The following SPTBN4 variants were observed in gnomAD, a reference collection of about 807,000 sequenced individuals.
The protein encoded by SPTBN4 is spectrin beta chain, non-erythrocytic 4.
A neutral mutation model predicts 277.8 loss-of-function variants in SPTBN4; 96 were observed. The observed-to-expected ratio is 0.35, with a 90% CI of 0.29 to 0.41. SPTBN4 has a LOEUF of 0.41. Ranked by LOEUF, SPTBN4 falls within the 10% of genes least tolerant of loss-of-function variation. The pLI is 1.00. For synonymous variants in SPTBN4, 1,481 were observed against 1,580.3 expected, an observed-to-expected ratio of 0.94 and a Z score of 1.49; for missense variants, 3,006 against 3,595.7, an observed-to-expected ratio of 0.84 and a Z score of 4.19.
intron 25 of SPTBN4, among the ~76,000 whole-genome samples, 195 bp downstream of exon 25, chr19:40,556,483 A>C (rs983878190): frequency 2.6e-5 from 4 of 152,088 alleles, no homozygotes; most frequent in African/African-American, 9.7e-5. Flanking sequence ...GTTGGTTATT[A>C]TTATCAGCTT....
chr19:40,497,584 C>A lies in SPTBN4; in HGVS notation c.764C>A (p.Ala255Glu), dbSNP rs143810077. 1 of 1,613,692 alleles carries A rather than the reference C, an allele frequency of 6.2e-7. No homozygotes were observed. The highest frequency in any genetic ancestry group is 1.7e-5 in the Admixed American group (1 of 60,004). ...FRTAEQHLGL[A>E]RLLDPEDVNM... is the part of the protein sequence containing the mutation. The stretch of plus-strand genomic sequence containing the variant: ...ACAGCTGAGCAGCACCTGGGGCTGG[C>A]GCGGCTGCTGGATCCTGAAGGTGAG... The change falls in exon 7 of 36, where the codon GCG becomes GAG. Residue 255 changes from alanine (A) to glutamate (E), a missense_variant. By Grantham distance (107) the Ala-to-Glu change is moderately radical. Around this residue, in one of 5 missense-constraint regions of SPTBN4, gnomAD observed 1,759 missense variants for 2,061.5 expected, o/e 0.85. Transcript: ENST00000598249.
At chr19:40,485,364 C>T (rs1417963220) in intron 2 of SPTBN4, among the ~76,000 whole-genome samples, 1 of 152,044 alleles carries the variant, frequency 6.6e-6, no homozygotes, top group Non-Finnish European at 1.5e-5. Flanking sequence ...TGGTCTCGAA[C>T]TCCTGAGCTC....
intron 29 of SPTBN4, 24 bp from the exon 30 acceptor site, chr19:40,566,139 C>T: frequency 6.8e-7 from 1 of 1,474,954 alleles, no homozygotes; most frequent in South Asian, 1.4e-5. Flanking sequence ...CCCCAGAATC[C>T]TTACCCTGCA....
At chr19:40,504,277 A>C in intron 12 of SPTBN4, 145 bp downstream of exon 12, 1 of 799,374 alleles carries the variant, frequency 1.3e-6, no homozygotes, top group Non-Finnish European at 1.9e-6. Flanking sequence ...AGACAAAAAG[A>C]GAGAACAAGA....
In SPTBN4 at chr19:40,544,834, AT is replaced by A. The variant is rs201303094; in HGVS notation, c.4360-4346del. The stretch of plus-strand genomic sequence containing the variant: ...ACCATTTTACTCTTTTTTATTTTTT[AT>A]TTTTTTTTAAGAGAGGGGGTCTAGC... On this transcript the variant is annotated intron_variant, in intron 20 of 35. Transcript: ENST00000598249. Among the ~76,000 whole-genome samples the A allele has an allele frequency of 1.0e-4, 15 of 148,794 alleles. No individual in the cohort carries two copies. In the East Asian group the frequency reaches 1.6e-3, roughly 16 times the overall value.
At chr19:40,574,186 C>T (rs1376919292) in intron 35 of SPTBN4, among the ~76,000 whole-genome samples, 2 of 152,054 alleles carry the variant, frequency 1.3e-5, no homozygotes, top group South Asian at 2.1e-4. Context: ...TAGCCCAGGC[C>T]GCGGCCAGGG....
intron 13 of SPTBN4, among the ~76,000 whole-genome samples, chr19:40,506,979 G>A (rs1174282143): frequency 6.6e-6 from 1 of 151,414 alleles, no homozygotes; most frequent in African/African-American, 2.4e-5. Flanking sequence ...GTGAGATCTT[G>A]TCTCTTAAAA....
intron 2 of SPTBN4, among the ~76,000 whole-genome samples, chr19:40,475,724 A>T (rs1044412637): frequency 7.9e-5 from 12 of 151,214 alleles, no homozygotes; most frequent in African/African-American, 2.7e-4. Context: ...GGCCTCCCAA[A>T]ATGCTAGGAT....
chr19:40,538,048 C>T (rs887073018), intron 20 of SPTBN4, among the ~76,000 whole-genome samples: 2 of 152,190 alleles, frequency 1.3e-5, no homozygotes, highest in African/African-American at 2.4e-5. Flanking sequence ...GTTATTGGAA[C>T]TTGGAAGGGG....
intron 17 of SPTBN4, 48 bp from the exon 18 acceptor site, chr19:40,528,993 A>T (rs1599768919): frequency 6.7e-7 from 1 of 1,500,154 alleles, no homozygotes; most frequent in Admixed American, 1.7e-5. Context: ...CCAGCGCCGC[A>T]CCCCCCAACC....
At chr19:40,565,790 T>C in intron 29 of SPTBN4, 45 bp downstream of exon 29, 1 of 1,534,268 alleles carries the variant, frequency 6.5e-7, no homozygotes, top group Non-Finnish European at 8.8e-7. Flanking sequence ...CACAGGGACA[T>C]GCTCCAGCCT....
At chr19:40,550,436 A>G in intron 22 of SPTBN4, 109 bp downstream of exon 22, 1 of 980,972 alleles carries the variant, frequency 1.0e-6, no homozygotes, top group South Asian at 1.5e-5. Context: ...TTTGGAATTA[A>G]CAAGACTGTG....
In SPTBN4 at chr19:40,572,340, C is replaced by G; in HGVS notation, c.7496C>G (p.Thr2499Ser). ...AAGTCCTGTGTCCCTTCCTGCAGGACCCAGGATGGCAGTGAGTTTTTGCTC... is the reference window on the plus strand; with the variant it reads ...AAGTCCTGTGTCCCTTCCTGCAGGAGCCAGGATGGCAGTGAGTTTTTGCTC... ...KKKKHVFKLQ[T>S]QDGSEFLLQA... Residue 2499 changes from threonine to serine, a missense_variant and splice_region_variant, in exon 35 of 36, where the codon ACC becomes AGC. By Grantham distance (58) the Thr-to-Ser change is moderately conservative. Transcript: ENST00000598249. The G allele has an allele frequency of 1.2e-6, 2 of 1,614,148 alleles. No homozygotes were observed. Among genetic ancestry groups the G allele is most frequent in the Non-Finnish European group, 1.7e-6 (2 of 1,180,002 alleles).
chr19:40,494,027 G>A (rs2080166904), intron 5 of SPTBN4, among the ~76,000 whole-genome samples: 1 of 152,208 alleles, frequency 6.6e-6, no homozygotes, highest in Non-Finnish European at 1.5e-5. Flanking sequence ...CTGAGCTGGT[G>A]GCGGGGTGGG....
At chr19:40,470,235 G>T (rs1380466188) in intron 1 of SPTBN4, among the ~76,000 whole-genome samples, 2 of 151,848 alleles carry the variant, frequency 1.3e-5, no homozygotes, top group Non-Finnish European at 2.9e-5. Flanking sequence ...CTGAGCTCAG[G>T]CAATCCACCC....
In SPTBN4 at chr19:40,550,165, T is replaced by A. The variant is rs1349493059; in HGVS notation, c.4585-73T>A. On this transcript the variant is annotated intron_variant, in intron 21 of 35. Coordinates refer to ENST00000598249, the MANE Select transcript of SPTBN4 (RefSeq NM_020971.3). ...GGAAGGGCCTGGGATGCCGTGCAGG[T>A]TTAAAGTTTAGTTGCGATGCAGGGG... 3 of 1,309,862 alleles carry A rather than the reference T, an allele frequency of 2.3e-6. No individual in the cohort carries two copies. In the African/African-American group the frequency reaches 4.3e-5, roughly 19 times the overall value. The allele number at this position is 1,309,862 out of a possible 1,614,324, so 81.1% of individuals were successfully genotyped here. A position where few individuals can be genotyped will look rare whatever the true frequency, so the allele number is the denominator to read the frequency against.
intron 27 of SPTBN4, among the ~76,000 whole-genome samples, chr19:40,564,877 G>A (rs573865048): frequency 1.3e-5 from 2 of 151,704 alleles, no homozygotes; most frequent in Non-Finnish European, 2.9e-5. Flanking sequence ...AATCCTAGAA[G>A]GTTAGAATCA....
intron 1 of SPTBN4, among the ~76,000 whole-genome samples, chr19:40,468,142 A>G (rs2079847524): frequency 6.6e-6 from 1 of 150,746 alleles, no homozygotes; most frequent in African/African-American, 2.4e-5. Context: ...TAATGGCGCG[A>G]TCTTGGCTCA....
chr19:40,554,139 G>T lies in SPTBN4; in HGVS notation c.4675-8G>T. 1 of 1,437,556 alleles carries T rather than the reference G, an allele frequency of 7.0e-7. No homozygotes were observed. The highest frequency in any genetic ancestry group is 9.0e-7 in the Non-Finnish European group (1 of 1,111,450). 89.1% of individuals were successfully genotyped at this position (1,437,556 alleles called of 1,614,324 possible). A position where few individuals can be genotyped will look rare whatever the true frequency, so the allele number is the denominator to read the frequency against. ...CTCCACCCACATCCCCTTACCTCCT[G>T]CCCCCAGGGCCTGCGGCGGGAGATC... is the stretch of plus-strand genomic sequence containing the variant. On this transcript the variant is annotated splice_region_variant and splice_polypyrimidine_tract_variant and intron_variant, in intron 22 of 35. Coordinates refer to ENST00000598249, the MANE Select transcript of SPTBN4 (RefSeq NM_020971.3). This position sits in a 1 kb window ranked among gnomAD's most constrained non-coding sequence, Gnocchi z 5.7.
Sources: allele counts gnomAD v4.1 joint callset (sites outside exome capture counted in the v4.1 genomes callset), GRCh38; gene constraint gnomAD v4.1.1; regional missense constraint gnomAD v4.1.1; non-coding constraint Gnocchi (gnomAD v3.1); transcripts MANE v1.5; gene names NCBI Gene and HGNC (gene_info 2026-07-23, HGNC 2026-07-21).